PLEKHA4: variants seen among roughly 807,000 people sequenced by gnomAD.
PLEKHA4 encodes pleckstrin homology domain-containing family A member 4.
Under a neutral mutation model 94.7 loss-of-function variants are expected in PLEKHA4, and 73 were observed. The ratio of observed to expected loss-of-function variants is 0.77; its 90% CI spans 0.64 to 0.94. PLEKHA4 has a LOEUF of 0.94. Ranked by LOEUF, PLEKHA4 falls within the 40% of genes least tolerant of loss-of-function variation. The probability of loss-of-function intolerance (pLI) is 0.00; values close to 1 mark genes in which losing one functional copy is unlikely to be tolerated. For synonymous variants in PLEKHA4, 449 were observed against 437.1 expected (o/e 1.03, Z -0.34); for missense variants, 1,049 against 1,054.1 (o/e 1.00, Z 0.07).
intron 8 of PLEKHA4, 65 bp from the exon 9 acceptor site, chr19:48,857,561 T>A (rs962138716): frequency 2.2e-6 from 2 of 914,772 alleles, no homozygotes; most frequent in Admixed American, 4.6e-5. Context: ...TTCATTTTGT[T>A]CTGTACTAAG....
intron 9 of PLEKHA4, among the ~76,000 whole-genome samples, chr19:48,855,970 C>G (rs1388600037): frequency 6.7e-6 from 1 of 148,728 alleles, no homozygotes; most frequent in Non-Finnish European, 1.5e-5. Flanking sequence ...GTCGGGAGTT[C>G]AAGACCAGCC....
In PLEKHA4 at chr19:48,852,291, C is replaced by A; in HGVS notation, c.1362G>T (p.Leu454=). 6.2e-7 allele frequency: 1 copy of A among 1,614,098 alleles called. No homozygotes were observed. The highest frequency in any genetic ancestry group is 8.5e-7 in the Non-Finnish European group (1 of 1,180,030). Residue 454 remains leucine, a synonymous_variant, in exon 13 of 20, where the codon CTG becomes CTT. Coordinates refer to ENST00000263265, the MANE Select transcript of PLEKHA4 (RefSeq NM_020904.3). ...CTCTTAAGGTGCCCAGCTCCTGCTC[C>A]AGGCCACTGTACGTGTCCCAAACCC... ...RERVWDTYSG[L]EQELGTLRET...
intron 16 of PLEKHA4, 67 bp downstream of exon 16, chr19:48,845,303 G>A: frequency 6.7e-7 from 1 of 1,486,722 alleles, no homozygotes; most frequent in South Asian, 1.1e-5. Context: ...ACTCCTAGCT[G>A]TTTCCCAGAA....
At chr19:48,840,763 A>C (rs1037508770) in intron 17 of PLEKHA4, among the ~76,000 whole-genome samples, 2 of 152,170 alleles carry the variant, frequency 1.3e-5, no homozygotes, top group Non-Finnish European at 2.9e-5. Context: ...ATCCTGAGAT[A>C]TCTGAGACAC....
At chr19:48,846,201 C>T (rs2035964112) in intron 14 of PLEKHA4, among the ~76,000 whole-genome samples, 1 of 151,794 alleles carries the variant, frequency 6.6e-6, no homozygotes, top group African/African-American at 2.4e-5. Context: ...TGCCTGTAAT[C>T]CCAGTACTTT....
intron 13 of PLEKHA4, among the ~76,000 whole-genome samples, chr19:48,850,361 G>T (rs983549170): frequency 2.0e-5 from 3 of 150,944 alleles, no homozygotes; most frequent in Admixed American, 6.6e-5. Context: ...AAAATTAGCT[G>T]GGCATGGTGG....
intron 3 of PLEKHA4, among the ~76,000 whole-genome samples, chr19:48,861,995 C>T (rs908199998): frequency 9.3e-5 from 14 of 150,514 alleles, no homozygotes; most frequent in East Asian, 8.1e-4. Flanking sequence ...GGTGTGGTGG[C>T]GCGTGCCTGT....
At chr19:48,861,338 T>C in intron 5 of PLEKHA4, 63 bp downstream of exon 5, 2 of 1,396,540 alleles carry the variant, frequency 1.4e-6, no homozygotes, top group East Asian at 2.3e-5. Flanking sequence ...CCTCGACAGA[T>C]ATCTACCCGC....
At chr19:48,857,607 G>A (rs543282257) in intron 8 of PLEKHA4, 111 bp from the exon 9 acceptor site, 9 of 673,208 alleles carry the variant, frequency 1.3e-5, no homozygotes, top group Admixed American at 2.5e-5. Context: ...GTTGATCTAT[G>A]ACCTTACCCC....
Position 48,837,941 on chromosome 19 carries a change from C to T in PLEKHA4, c.2077+76G>A. On this transcript the variant is annotated intron_variant, in intron 19 of 19. Coordinates refer to ENST00000263265, the MANE Select transcript of PLEKHA4 (RefSeq NM_020904.3). This position sits in a 1 kb window ranked among gnomAD's most constrained non-coding sequence, Gnocchi z 4.3. ...TCTCACCGGCCCCCAGACCCCTCCT[C>T]TCCAGGACCTGGGATTCCAGGTCTC... 2.4e-6 allele frequency: 3 copies of T among 1,266,824 alleles called. No individual in the cohort carries two copies. Among genetic ancestry groups the T allele is most frequent in the Non-Finnish European group, 2.3e-6 (2 of 878,738 alleles). 78.5% of individuals were successfully genotyped at this position (1,266,824 alleles called of 1,614,324 possible). A position where few individuals can be genotyped will look rare whatever the true frequency, so the allele number is the denominator to read the frequency against.
At chr19:48,864,542 C>G (rs2036763272) in intron 3 of PLEKHA4, among the ~76,000 whole-genome samples, 1 of 152,060 alleles carries the variant, frequency 6.6e-6, no homozygotes, top group Non-Finnish European at 1.5e-5. Context: ...CAGCCACGTT[C>G]AAGCACATCA....
Position 48,860,369 on chromosome 19 carries a change from G to C in PLEKHA4, c.457C>G (p.Arg153Gly), listed in dbSNP as rs373708213. 2 of 1,613,778 alleles carry C rather than the reference G, an allele frequency of 1.2e-6. No individual in the cohort carries two copies. Among genetic ancestry groups the C allele is most frequent in the Non-Finnish European group, 1.7e-6 (2 of 1,179,964 alleles). ...ACTCACTAGTCGTCCCCCTCCGCAC[G>C]GGAGGCCCGGCCCAGCGCCCGTAGC... ...GWLRALGRAS[R>G]AEGDDYGQPR... Residue 153 changes from arginine to glycine, a missense_variant, in exon 6 of 20, where the codon CGT (arginine) becomes GGT (glycine). By Grantham distance (125) the Arg-to-Gly change is moderately radical (BLOSUM62 -2). Transcript: ENST00000263265.
chr19:48,856,977 C>A (rs1264954713), intron 9 of PLEKHA4, among the ~76,000 whole-genome samples: 1 of 148,122 alleles, frequency 6.8e-6, no homozygotes, highest in Non-Finnish European at 1.5e-5. Context: ...GAGGTTTTTG[C>A]GGATTTAAGT....
In PLEKHA4 at chr19:48,845,437, G is replaced by C; in HGVS notation, c.1676C>G (p.Ser559Cys). The change falls in exon 16 of 20, where the codon TCT becomes TGT. Residue 559 changes from serine to cysteine, a missense_variant. Ser to Cys is a moderately radical substitution (Grantham distance 112, BLOSUM62 -1). Coordinates refer to ENST00000263265, the MANE Select transcript of PLEKHA4 (RefSeq NM_020904.3). Reference sequence around the variant, plus strand: ...GCTGGAAGCCCGGGAGACCCTCGGAGACCCAAGACCTGGAAAGACAGAACG... The same window carrying C: ...GCTGGAAGCCCGGGAGACCCTCGGACACCCAAGACCTGGAAAGACAGAACG... ...DLASPHLGLG[S>C]PRVSRASSPE... 1 of 1,613,996 alleles carries C rather than the reference G, an allele frequency of 6.2e-7. No individual in the cohort carries two copies. The highest frequency in any genetic ancestry group is 8.5e-7 in the Non-Finnish European group (1 of 1,179,998).
chr19:48,847,763 G>C, intron 14 of PLEKHA4, 137 bp downstream of exon 14: 1 of 999,004 alleles, frequency 1.0e-6, no homozygotes, highest in Non-Finnish European at 1.3e-6. Flanking sequence ...GAAAACAAAG[G>C]CTTCCAGAGG....
intron 2 of PLEKHA4, 55 bp from the exon 3 acceptor site, chr19:48,865,665 G>C: frequency 1.5e-6 from 2 of 1,306,254 alleles, no homozygotes; most frequent in Non-Finnish European, 2.2e-6. Context: ...GGTCCTGGGA[G>C]GGGGTGAGGG....
At chr19:48,862,872 T>A (rs1473192102) in intron 3 of PLEKHA4, among the ~76,000 whole-genome samples, 1 of 152,228 alleles carries the variant, frequency 6.6e-6, no homozygotes, top group Non-Finnish European at 1.5e-5. Flanking sequence ...CCTTCATGTT[T>A]TCTCGTCTAT....
chr19:48,860,555 G>C, intron 5 of PLEKHA4, 96 bp from the exon 6 acceptor site: 1 of 915,926 alleles, frequency 1.1e-6, no homozygotes, highest in Admixed American at 2.0e-5. Context: ...CCAGTGCTTT[G>C]GGAGGCCGAT....
intron 16 of PLEKHA4, chr19:48,844,657 A>G (rs2035897485): frequency 1.3e-5 from 13 of 985,142 alleles, no homozygotes; most frequent in Non-Finnish European, 1.6e-5. Flanking sequence ...CATGCTTCTG[A>G]AAACCAGCCA....
Sources: gnomAD v4.1 joint callset for allele counts (sites outside exome capture counted in the v4.1 genomes callset) on GRCh38, gnomAD v4.1.1 for gene constraint, Gnocchi (gnomAD v3.1) non-coding constraint, MANE v1.5 for transcripts, NCBI Gene and HGNC (gene_info 2026-07-23, HGNC 2026-07-21) for gene names.